NKAIN3: variants seen among roughly 807,000 people sequenced by gnomAD.
NKAIN3 encodes the protein sodium/potassium transporting ATPase interacting 3, also known as sodium/potassium-transporting ATPase subunit beta-1-interacting protein 3.
Under a neutral mutation model 30.2 loss-of-function variants are expected in NKAIN3, and 25 were observed. The ratio of observed to expected loss-of-function variants is 0.83; its 90% CI spans 0.60 to 1.16. The LOEUF is 1.16. Among genes scored for constraint, NKAIN3 ranks in the 50% most tolerant of loss-of-function variants. NKAIN3 has a pLI of 0.00. For missense variants in NKAIN3, 225 were observed against 254.1 expected, an observed-to-expected ratio of 0.89 and a Z score of 0.78; for synonymous variants, 91 against 89.6, an observed-to-expected ratio of 1.02 and a Z score of -0.09.
At chr8:62,860,445 A>G (rs538759616) in intron 4 of NKAIN3, among the ~76,000 whole-genome samples, 49 of 152,356 alleles carry the variant, frequency 3.2e-4, no homozygotes, top group African/African-American at 1.2e-3. Context: ...TCCAGCCACC[A>G]TAGATGCCAG....
At chr8:62,886,479 G>A (rs1821151571) in intron 4 of NKAIN3, among the ~76,000 whole-genome samples, 2 of 151,744 alleles carry the variant, frequency 1.3e-5, no homozygotes, top group Non-Finnish European at 2.9e-5. Flanking sequence ...TTCTTTATGT[G>A]GATACAAGTT....
intron 1 of NKAIN3, among the ~76,000 whole-genome samples, chr8:62,331,053 C>A (rs1815334326): frequency 7.0e-6 from 1 of 143,596 alleles, no homozygotes; most frequent in African/African-American, 2.6e-5. Flanking sequence ...TCCTCTTCTA[C>A]CTCCTCCTCC....
At chr8:62,444,100 C>T (rs142523608) in intron 1 of NKAIN3, among the ~76,000 whole-genome samples, 71 of 152,044 alleles carry the variant, frequency 4.7e-4, no homozygotes, top group African/African-American at 1.5e-3. Context: ...ATTTATAATG[C>T]CTTTTTATTG....
At chr8:62,401,464 T>TCA (rs1803870881) in intron 1 of NKAIN3, among the ~76,000 whole-genome samples, 1 of 152,118 alleles carries the variant, frequency 6.6e-6, no homozygotes, top group African/African-American at 2.4e-5. Flanking sequence ...GAATGCATGT[T>TCA]TTACTGGATT....
chr8:62,505,475 G>A (rs1363586477), intron 1 of NKAIN3, among the ~76,000 whole-genome samples: 1 of 152,148 alleles, frequency 6.6e-6, no homozygotes, highest in Non-Finnish European at 1.5e-5. Flanking sequence ...GTGAAATAAT[G>A]TATAAGGTTC....
At chr8:62,999,130 G>T (rs997119220) in intron 5 of NKAIN3, 1 of 152,162 alleles carries the variant, frequency 6.6e-6, no homozygotes, top group African/African-American at 2.4e-5. Flanking sequence ...CTTATCAGAT[G>T]TATGGTGTGT....
chr8:62,807,556 G>GTTTT (rs11482643), intron 4 of NKAIN3, among the ~76,000 whole-genome samples: 5 of 134,298 alleles, frequency 3.7e-5, no homozygotes, highest in South Asian at 2.3e-4. Context: ...TTCTTTTCTG[G>GTTTT]TTTTTTTTTT....
intron 1 of NKAIN3, among the ~76,000 whole-genome samples, chr8:62,461,459 G>C (rs1294324409): frequency 6.6e-6 from 1 of 152,018 alleles, no homozygotes; most frequent in East Asian, 1.9e-4. Context: ...CATTCAAAGG[G>C]GAAAAAGCAA....
intron 4 of NKAIN3, among the ~76,000 whole-genome samples, chr8:62,760,976 A>C (rs1427812391): frequency 6.6e-6 from 1 of 152,176 alleles, no homozygotes; most frequent in Non-Finnish European, 1.5e-5. Context: ...AACGTCAGGT[A>C]TTGCTTAGCA....
chr8:62,895,477 T>C (rs1361807808), intron 4 of NKAIN3, among the ~76,000 whole-genome samples: 2 of 152,202 alleles, frequency 1.3e-5, no homozygotes, highest in African/African-American at 2.4e-5. Context: ...TCAGAATTTG[T>C]AGTTTAACAA....
rs1824126168 is a variant in NKAIN3 at position 62,983,333 on chromosome 8, C to T, written c.*17926C>T. The T allele has an allele frequency of 1.3e-5, 2 of 152,074 alleles. No individual in the cohort carries two copies. 9.4% of individuals were successfully genotyped at this position (152,074 alleles called of 1,614,324 possible). A position where few individuals can be genotyped will look rare whatever the true frequency, so the allele number is the denominator to read the frequency against. On this transcript the variant is annotated 3_prime_UTR_variant, in exon 7 of 7. Transcript: ENST00000623646. ...GGCCCTAAGAAAATCCCCAATAGGG[C>T]TCTGCACAAGCCGGGCTCTGATAGG...
intron 4 of NKAIN3, among the ~76,000 whole-genome samples, chr8:62,879,685 A>G (rs6984039): frequency 0.7 from 105,808 of 152,032 alleles, 37,535 homozygotes; most frequent in African/African-American, 0.79. Flanking sequence ...CTGTCTGCTT[A>G]GGCCAATGCT....
intron 1 of NKAIN3, among the ~76,000 whole-genome samples, chr8:62,546,191 C>T (rs747181128): frequency 1.3e-5 from 2 of 152,110 alleles, no homozygotes; most frequent in Non-Finnish European, 1.5e-5. Flanking sequence ...TAGGTTAATG[C>T]GTTCCTTGTG....
chr8:62,631,312 G>A (rs977818422), intron 3 of NKAIN3, among the ~76,000 whole-genome samples: 1 of 152,072 alleles, frequency 6.6e-6, no homozygotes, highest in Admixed American at 6.6e-5. Context: ...GATTAACCTT[G>A]CAATCCCCTC....
intron 3 of NKAIN3, among the ~76,000 whole-genome samples, chr8:62,642,147 C>T (rs1304761506): frequency 6.6e-6 from 1 of 152,020 alleles, no homozygotes; most frequent in Non-Finnish European, 1.5e-5. Flanking sequence ...ATGACAAAAA[C>T]AATGCTCCTA....
intron 3 of NKAIN3, among the ~76,000 whole-genome samples, chr8:62,736,011 G>C (rs1268351894): frequency 6.6e-6 from 1 of 152,210 alleles, no homozygotes; most frequent in Admixed American, 6.5e-5. Context: ...AGGTCTCTCA[G>C]CCATGGATAC....
chr8:62,289,360 GT>G (rs1330184880), intron 1 of NKAIN3, among the ~76,000 whole-genome samples: 2 of 152,148 alleles, frequency 1.3e-5, no homozygotes, highest in Non-Finnish European at 2.9e-5. Context: ...TTCTTCTAGG[GT>G]TTTTCTGGTT....
At chr8:62,551,991 G>A (rs1809229578) in intron 1 of NKAIN3, among the ~76,000 whole-genome samples, 1 of 151,992 alleles carries the variant, frequency 6.6e-6, no homozygotes. Flanking sequence ...TAAAAATGTG[G>A]GCCTTTCCAT....
At chr8:62,612,232 T>C (rs7818033) in intron 3 of NKAIN3, among the ~76,000 whole-genome samples, 73,117 of 151,800 alleles carry the variant, frequency 0.48, 20,688 homozygotes, top group African/African-American at 0.79. Context: ...TCCAGCTTTT[T>C]ATACTGGGAC....
Sources: gnomAD v4.1 joint callset for allele counts (sites outside exome capture counted in the v4.1 genomes callset) on GRCh38, gnomAD v4.1.1 for gene constraint, MANE v1.5 for transcripts, NCBI Gene and HGNC (gene_info 2026-07-23, HGNC 2026-07-21) for gene names.